TAFA5: variants seen among roughly 807,000 people sequenced by gnomAD.
TAFA5 encodes the protein chemokine-like protein TAFA-5.
In TAFA5, 6 loss-of-function variants were observed where a neutral mutation model predicts 15.3. The observed-to-expected ratio is 0.39, with a 90% CI of 0.21 to 0.77. The LOEUF (loss-of-function observed/expected upper bound fraction) is 0.77. TAFA5 is among the 30% of genes least tolerant of loss of function. The pLI, the probability that TAFA5 is intolerant of heterozygous loss-of-function variation, is 0.41. For missense variants in TAFA5, 161 were observed against 193.1 expected (o/e 0.83, Z 0.98); for synonymous variants, 103 against 80.7 (o/e 1.28, Z -1.48).
rs113672599 is a variant in TAFA5 at position 48,607,343 on chromosome 22, G to T, written c.113-39254G>T. 3.7e-5 allele frequency among the ~76,000 whole-genome samples: 5 copies of T among 136,346 alleles called. 1 individual carries two copies. Among genetic ancestry groups the T allele is most frequent in the Non-Finnish European group, 7.9e-5 (5 of 63,370 alleles). 89.4% of individuals were successfully genotyped at this position (136,346 alleles called of 152,430 possible). ...CACCCATCCCAGGTACCTCAGCCTG[G>T]AGCAGATCTGTCCTGGGTTCTGATT... On this transcript the variant is annotated intron_variant, in intron 1 of 3. Coordinates refer to ENST00000402357, the MANE Select transcript of TAFA5 (RefSeq NM_001082967.3).
At chr22:48,640,512 C>G (rs913225293) in intron 1 of TAFA5, among the ~76,000 whole-genome samples, 1 of 151,910 alleles carries the variant, frequency 6.6e-6, no homozygotes, top group Non-Finnish European at 1.5e-5. Context: ...CGTGGTCTCC[C>G]TTTTTGGCTT....
chr22:48,683,016 G>C (rs970993282), intron 2 of TAFA5, among the ~76,000 whole-genome samples: 4 of 152,128 alleles, frequency 2.6e-5, no homozygotes, highest in Non-Finnish European at 4.4e-5. Flanking sequence ...GCATCTTTCG[G>C]TAATATTCAG....
At chr22:48,590,035 T>TG (rs1284686030) in intron 1 of TAFA5, among the ~76,000 whole-genome samples, 3 of 151,184 alleles carry the variant, frequency 2.0e-5, no homozygotes, top group Non-Finnish European at 4.4e-5. Context: ...CACGCGTGCT[T>TG]GGGGGTCTCT....
At chr22:48,562,440 G>A (rs1016773474) in intron 1 of TAFA5, among the ~76,000 whole-genome samples, 5 of 152,178 alleles carry the variant, frequency 3.3e-5, no homozygotes, top group East Asian at 1.9e-4. Context: ...GCCCGGCCCC[G>A]CGGAGCCTTT....
At chr22:48,666,898 C>T (rs1927635958) in intron 2 of TAFA5, among the ~76,000 whole-genome samples, 1 of 152,098 alleles carries the variant, frequency 6.6e-6, no homozygotes, top group South Asian at 2.1e-4. Context: ...CCTTCATCCC[C>T]ATGGTGCTGA....
At chr22:48,654,719 A>G (rs982447589) in intron 2 of TAFA5, among the ~76,000 whole-genome samples, 2 of 152,238 alleles carry the variant, frequency 1.3e-5, no homozygotes, top group South Asian at 2.1e-4. Context: ...CAAATGACTA[A>G]TAACTGTCTG....
At chr22:48,579,701 A>G (rs1430280710) in intron 1 of TAFA5, among the ~76,000 whole-genome samples, 1 of 152,224 alleles carries the variant, frequency 6.6e-6, no homozygotes, top group East Asian at 1.9e-4. Flanking sequence ...CTTGGACTCC[A>G]GCACTCCAGC....
At chr22:48,506,538 T>C (rs1921002160) in intron 1 of TAFA5, among the ~76,000 whole-genome samples, 1 of 152,112 alleles carries the variant, frequency 6.6e-6, no homozygotes, top group Non-Finnish European at 1.5e-5. Flanking sequence ...AGGCGGGGCC[T>C]TTGGAGGATA....
intron 2 of TAFA5, among the ~76,000 whole-genome samples, chr22:48,674,680 C>A (rs916052594): frequency 2.6e-5 from 4 of 152,058 alleles, no homozygotes; most frequent in African/African-American, 9.7e-5. Flanking sequence ...GGTCCACACC[C>A]CCCACAGAAG....
rs533586887 is a variant in TAFA5 at position 48,490,822 on chromosome 22, C to T, written c.112+1118C>T. The stretch of plus-strand genomic sequence containing the variant: ...CCAGCACCGAACCTCCCTCCACAGA[C>T]ACCACCTCCTCCAGAGCCCCGGGCC... On this transcript the variant is annotated intron_variant, in intron 1 of 3. Coordinates refer to ENST00000402357, the MANE Select transcript of TAFA5 (RefSeq NM_001082967.3). This position sits in a 1 kb window ranked among gnomAD's most constrained non-coding sequence, Gnocchi z 5.8. Among the ~76,000 whole-genome samples, 137 of 110,694 alleles carry T rather than the reference C, an allele frequency of 1.2e-3. No homozygotes were observed. Among genetic ancestry groups the T allele is most frequent in the African/African-American group, 6.5e-3 (131 of 20,214 alleles). The allele number at this position is 110,694 out of a possible 152,430, so 72.6% of individuals were successfully genotyped here.
At position 48,749,888 on chromosome 22, in the gene TAFA5, C is replaced by A. The variant is rs1325118037; in HGVS notation, c.*41C>A. 1.9e-6 allele frequency: 3 copies of A among 1,541,052 alleles called. No individual in the cohort carries two copies. Among genetic ancestry groups the A allele is most frequent in the Non-Finnish European group, 1.8e-6 (2 of 1,137,770 alleles). Reference sequence around the variant, plus strand: ...AGGGGCCCCGGGAGTGGCCTTGGCTCCCTGGAGAGCCCACGTCTCAGCCAC... The same window carrying A: ...AGGGGCCCCGGGAGTGGCCTTGGCTACCTGGAGAGCCCACGTCTCAGCCAC... On this transcript the variant is annotated 3_prime_UTR_variant, in exon 4 of 4. Coordinates refer to ENST00000402357, the MANE Select transcript of TAFA5 (RefSeq NM_001082967.3).
chr22:48,625,263 A>G (rs373784539), intron 1 of TAFA5, among the ~76,000 whole-genome samples: 1 of 152,182 alleles, frequency 6.6e-6, no homozygotes, highest in Non-Finnish European at 1.5e-5. Context: ...CCACCAGTCT[A>G]TTCACAGCCA....
At chr22:48,522,552 G>A (rs1190935371) in intron 1 of TAFA5, among the ~76,000 whole-genome samples, 5 of 152,124 alleles carry the variant, frequency 3.3e-5, no homozygotes, top group Non-Finnish European at 7.4e-5. Context: ...CCTGGGGTGG[G>A]CGCGGGGCCA....
At chr22:48,584,594 A>ACACAC (rs1415886969) in intron 1 of TAFA5, among the ~76,000 whole-genome samples, 1 of 149,378 alleles carries the variant, frequency 6.7e-6, no homozygotes, top group African/African-American at 2.5e-5. Flanking sequence ...TACACCTCAC[A>ACACAC]CACACCACAC....
chr22:48,715,695 G>C (rs967865229), intron 3 of TAFA5, among the ~76,000 whole-genome samples: 1 of 152,178 alleles, frequency 6.6e-6, no homozygotes, highest in African/African-American at 2.4e-5. Context: ...CCAGGACTGG[G>C]TGAGTGGTGG....
rs1343976842 is a variant in TAFA5 at position 48,751,019 on chromosome 22, AAGCGTGCGG to A, written c.*1175_*1183del. Reference sequence around the variant, plus strand: ...GGCACGGAAGGCGGGACTCTGGGAGAAGCGTGCGGAGGACCGTGGCGTCGGCGTCCCGGA... The same window carrying A: ...GGCACGGAAGGCGGGACTCTGGGAGAAGGACCGTGGCGTCGGCGTCCCGGA... On this transcript the variant is annotated 3_prime_UTR_variant, in exon 4 of 4. Transcript: ENST00000402357. 6.6e-6 allele frequency: 1 copy of A among 152,182 alleles called. No homozygotes were observed. The highest frequency in any genetic ancestry group is 1.9e-4 in the East Asian group (1 of 5,144). 9.4% of individuals were successfully genotyped at this position (152,182 alleles called of 1,614,324 possible). A position where few individuals can be genotyped will look rare whatever the true frequency, so the allele number is the denominator to read the frequency against.
chr22:48,641,584 C>G (rs538596013), intron 1 of TAFA5, among the ~76,000 whole-genome samples: 2 of 148,828 alleles, frequency 1.3e-5, no homozygotes, highest in East Asian at 4.1e-4. Context: ...TGCACGCCCT[C>G]CCCTCCACCC....
chr22:48,491,244 G>T (rs991919535), intron 1 of TAFA5, among the ~76,000 whole-genome samples: 2 of 152,186 alleles, frequency 1.3e-5, no homozygotes, highest in Non-Finnish European at 2.9e-5. Flanking sequence ...GCCTGCAGGG[G>T]TATGTGGGGG....
At chr22:48,684,738 A>G (rs1489696488) in intron 2 of TAFA5, among the ~76,000 whole-genome samples, 2 of 152,158 alleles carry the variant, frequency 1.3e-5, no homozygotes, top group African/African-American at 2.4e-5. Flanking sequence ...AAATCCCCCA[A>G]GAGCGGCTGA....
Sources: allele counts gnomAD v4.1 joint callset (sites outside exome capture counted in the v4.1 genomes callset), GRCh38; gene constraint gnomAD v4.1.1; non-coding constraint Gnocchi (gnomAD v3.1); transcripts MANE v1.5; gene names NCBI Gene and HGNC (gene_info 2026-07-23, HGNC 2026-07-21).